GABRA2: variants seen among roughly 807,000 people sequenced by gnomAD.
The protein encoded by GABRA2 is gamma-aminobutyric acid receptor subunit alpha-2.
A neutral mutation model predicts 48.7 loss-of-function variants in GABRA2; 16 were observed. That is an observed-to-expected ratio of 0.33 (90% CI 0.22 to 0.50). GABRA2 has a LOEUF of 0.50. GABRA2 is among the 20% of genes least tolerant of loss of function. GABRA2 has a pLI of 0.98. For missense variants in GABRA2, 275 were observed against 535.6 expected, an observed-to-expected ratio of 0.51 and a Z score of 4.80; for synonymous variants, 185 against 184.5, an observed-to-expected ratio of 1.00 and a Z score of -0.02.
At chr4:46,291,901 A>G (rs1723736429) in intron 8 of GABRA2, among the ~76,000 whole-genome samples, 1 of 151,886 alleles carries the variant, frequency 6.6e-6, no homozygotes, top group South Asian at 2.1e-4. Context: ...GAGAAATAGA[A>G]TATTAAGGAT....
chr4:46,377,747 C>A (rs1457631167), intron 3 of GABRA2, among the ~76,000 whole-genome samples: 1 of 142,658 alleles, frequency 7.0e-6, no homozygotes, highest in Non-Finnish European at 1.6e-5. Context: ...GTCAGCCCCC[C>A]GCCCGGCCAG....
intron 8 of GABRA2, among the ~76,000 whole-genome samples, chr4:46,282,978 A>G (rs1721817367): frequency 6.6e-6 from 1 of 152,208 alleles, no homozygotes; most frequent in Admixed American, 6.5e-5. Context: ...GCCAGACGCC[A>G]CATAGTTTGG....
Position 46,250,533 on chromosome 4 carries a change from A to T in GABRA2, c.1131T>A (p.Asn377Lys), listed in dbSNP as rs200515415. 2.1e-5 allele frequency: 34 copies of T among 1,611,578 alleles called. No homozygotes were observed. In the African/African-American group the frequency reaches 4.0e-4, roughly 19 times the overall value. ...TGGAGAGAACTGGATCTTTTGAAAG[A>T]TTCGGGGCATAATTGGCAACAGCCA... ...YAVAVANYAPNLSKDPVLSTI... is the reference protein window; with the variant it reads ...YAVAVANYAPKLSKDPVLSTI... Residue 377 changes from asparagine (N) to lysine (K), a missense_variant, in exon 10 of 10, where the codon AAT becomes AAA. Coordinates refer to ENST00000381620, the MANE Select transcript of GABRA2 (RefSeq NM_000807.4).
intron 5 of GABRA2, among the ~76,000 whole-genome samples, chr4:46,310,575 G>T (rs1727475002): frequency 1.3e-5 from 2 of 151,744 alleles, no homozygotes; most frequent in Admixed American, 1.3e-4. Flanking sequence ...GAAATCTTAA[G>T]GGCCAAAAAA....
chr4:46,327,071 C>G (rs1247327180), intron 4 of GABRA2, among the ~76,000 whole-genome samples: 1 of 151,916 alleles, frequency 6.6e-6, no homozygotes, highest in Non-Finnish European at 1.5e-5. Flanking sequence ...ACTTTCATCT[C>G]TTGCCTGTAG....
In GABRA2 at chr4:46,342,023, A is replaced by G. The variant is rs529787790; in HGVS notation, c.188-9341T>C. Among the ~76,000 whole-genome samples, 11 of 152,144 alleles carry G rather than the reference A, an allele frequency of 7.2e-5. No individual in the cohort carries two copies. The South Asian group carries it at 2.3e-3, about 31-fold the overall frequency. On this transcript the variant is annotated intron_variant, in intron 3 of 9. Transcript: ENST00000381620. ...GTCAAATGGTGACAGTTTGCTGGTGATGGGAGTTTTGGGGAAGATCCAACC... is the reference window on the plus strand; with the variant it reads ...GTCAAATGGTGACAGTTTGCTGGTGGTGGGAGTTTTGGGGAAGATCCAACC...
intron 8 of GABRA2, among the ~76,000 whole-genome samples, chr4:46,292,084 G>C (rs1311750595): frequency 6.6e-6 from 1 of 152,064 alleles, no homozygotes; most frequent in Non-Finnish European, 1.5e-5. Context: ...TTCATGGCTA[G>C]AGAGAGGCAA....
At chr4:46,315,274 G>A (rs1337460580) in intron 4 of GABRA2, among the ~76,000 whole-genome samples, 1 of 151,264 alleles carries the variant, frequency 6.6e-6, no homozygotes, top group Non-Finnish European at 1.5e-5. Context: ...TTGGCTGCTT[G>A]TATGTCTTCT....
intron 9 of GABRA2, 100 bp downstream of exon 9, chr4:46,261,826 T>C: frequency 1.0e-6 from 1 of 956,610 alleles, no homozygotes; most frequent in South Asian, 1.4e-5. Flanking sequence ...TTCATATATA[T>C]ATGGATGTCT....
chr4:46,354,063 A>C (rs1368140176), intron 3 of GABRA2, among the ~76,000 whole-genome samples: 1 of 152,182 alleles, frequency 6.6e-6, no homozygotes, highest in Non-Finnish European at 1.5e-5. Context: ...TACTGACTGC[A>C]TTCTACCTGC....
chr4:46,351,944 T>C (rs534835296), intron 3 of GABRA2, among the ~76,000 whole-genome samples: 1 of 151,170 alleles, frequency 6.6e-6, no homozygotes, highest in African/African-American at 2.4e-5. Context: ...ACTTATAAGT[T>C]GATACATTTG....
intron 8 of GABRA2, among the ~76,000 whole-genome samples, chr4:46,265,348 T>A (rs976709532): frequency 1.5e-5 from 1 of 64,904 alleles, no homozygotes; most frequent in African/African-American, 7.2e-5. Flanking sequence ...CCACTTTATA[T>A]ATGTATCTGT....
intron 3 of GABRA2, among the ~76,000 whole-genome samples, chr4:46,385,551 T>C (rs1578249768): frequency 6.6e-6 from 1 of 152,192 alleles, no homozygotes; most frequent in East Asian, 1.9e-4. Flanking sequence ...TCTTTGAAAG[T>C]TTCAAGAATA....
intron 3 of GABRA2, among the ~76,000 whole-genome samples, chr4:46,352,330 T>G (rs1401666230): frequency 6.6e-6 from 1 of 151,930 alleles, no homozygotes; most frequent in Non-Finnish European, 1.5e-5. Context: ...GAACTCTGTT[T>G]ACAACTGTTG....
intron 3 of GABRA2, among the ~76,000 whole-genome samples, chr4:46,354,304 A>C (rs1255020709): frequency 6.6e-6 from 1 of 152,178 alleles, no homozygotes; most frequent in Non-Finnish European, 1.5e-5. Flanking sequence ...AACTTGTTTT[A>C]CTACACAGTT....
chr4:46,303,940 C>G (rs1428723721), intron 7 of GABRA2, among the ~76,000 whole-genome samples: 1 of 151,866 alleles, frequency 6.6e-6, no homozygotes, highest in African/African-American at 2.4e-5. Flanking sequence ...ATTGAGCATC[C>G]CTAATCAAAA....
chr4:46,255,168 T>G (rs1715554100), intron 9 of GABRA2, among the ~76,000 whole-genome samples: 1 of 151,634 alleles, frequency 6.6e-6, no homozygotes, highest in Non-Finnish European at 1.5e-5. Flanking sequence ...ATTGCAGAGT[T>G]CCTAGCATAG....
chr4:46,252,975 A>C (rs1560429957), intron 9 of GABRA2, among the ~76,000 whole-genome samples: 1 of 151,468 alleles, frequency 6.6e-6, no homozygotes, highest in Non-Finnish European at 1.5e-5. Context: ...TGCAAATCAT[A>C]ACTATTACAA....
At chr4:46,303,151 CA>C (rs55754015) in intron 8 of GABRA2, 16,461 of 205,542 alleles carry the variant, frequency 0.08, 125 homozygotes, top group Middle Eastern at 0.11. Context: ...ATTTTTTGAG[CA>C]AAAAAAAAAA....
Sources: allele counts gnomAD v4.1 joint callset (sites outside exome capture counted in the v4.1 genomes callset), GRCh38; gene constraint gnomAD v4.1.1; transcripts MANE v1.5; gene names NCBI Gene and HGNC (gene_info 2026-07-23, HGNC 2026-07-21).